The following SGCD variants were observed in gnomAD, a reference collection of about 807,000 sequenced individuals.
The protein encoded by SGCD is sarcoglycan delta, also known as delta-sarcoglycan.
SGCD carries 18 observed loss-of-function variants against 36.6 expected under a neutral mutation model. The observed-to-expected ratio is 0.49, with a 90% confidence interval of 0.34 to 0.73. The LOEUF (loss-of-function observed/expected upper bound fraction) is 0.73, where lower values mean the gene tolerates loss of function less well. Ranked by LOEUF, SGCD falls within the 30% of genes least tolerant of loss-of-function variation. The pLI is 0.01. For missense variants in SGCD, 387 were observed against 346.7 expected (o/e 1.12, Z -0.92); for synonymous variants, 133 against 130.6 (o/e 1.02, Z -0.12).
chr5:156,158,730 C>T (rs1763020731), intron 3 of SGCD, among the ~76,000 whole-genome samples: 2 of 151,442 alleles, frequency 1.3e-5, no homozygotes, highest in Non-Finnish European at 1.5e-5. Context: ...TCTATTTGCT[C>T]AATTGTTTTT....
At chr5:155,871,718 A>AATAAT (rs1755660611) in intron 1 of SGCD, among the ~76,000 whole-genome samples, 1 of 152,164 alleles carries the variant, frequency 6.6e-6, no homozygotes, top group African/African-American at 2.4e-5. Context: ...TGGGTAGGTA[A>AATAAT]ATAAGTTATG....
chr5:156,018,282 G>C (rs1156393550), intron 1 of SGCD, among the ~76,000 whole-genome samples: 1 of 152,004 alleles, frequency 6.6e-6, no homozygotes, highest in Non-Finnish European at 1.5e-5. Flanking sequence ...AGTGTCTTTA[G>C]TACTCCATCA....
intron 3 of SGCD, among the ~76,000 whole-genome samples, chr5:156,239,070 G>A (rs1352406781): frequency 6.6e-6 from 1 of 152,030 alleles, no homozygotes; most frequent in African/African-American, 2.4e-5. Context: ...CTTTGGGTCT[G>A]GGTCCCGTGG....
At chr5:156,516,873 A>T (rs1401374942) in intron 4 of SGCD, among the ~76,000 whole-genome samples, 1 of 152,126 alleles carries the variant, frequency 6.6e-6, no homozygotes, top group Non-Finnish European at 1.5e-5. Context: ...GGCACATGTC[A>T]GTAGTCCCAG....
At chr5:156,249,235 T>C (rs895868245) in intron 3 of SGCD, among the ~76,000 whole-genome samples, 3 of 152,032 alleles carry the variant, frequency 2.0e-5, no homozygotes, top group Non-Finnish European at 4.4e-5. Context: ...GGCAAACTTG[T>C]CATGGTGAGA....
intron 1 of SGCD, among the ~76,000 whole-genome samples, chr5:156,032,706 CAAAAA>C (rs1171072619): frequency 0.019 from 282 of 14,994 alleles, 1 homozygote; most frequent in Non-Finnish European, 0.025. Flanking sequence ...GACTCCGTCT[CAAAAA>C]AAAAAAAAAA....
At chr5:156,484,035 C>T (rs547830492) in intron 3 of SGCD, among the ~76,000 whole-genome samples, 2 of 152,278 alleles carry the variant, frequency 1.3e-5, no homozygotes, top group South Asian at 4.1e-4. Flanking sequence ...AGAAACCGGC[C>T]CTTTCTAATA....
At chr5:156,385,293 T>C (rs182345333) in intron 3 of SGCD, among the ~76,000 whole-genome samples, 45 of 152,358 alleles carry the variant, frequency 3.0e-4, no homozygotes, top group Non-Finnish European at 5.0e-4. Context: ...TAGATTTCTC[T>C]GTAGGCAACA....
intron 3 of SGCD, among the ~76,000 whole-genome samples, chr5:156,314,575 T>C (rs1456892535): frequency 1.3e-5 from 2 of 152,078 alleles, no homozygotes; most frequent in African/African-American, 4.8e-5. Context: ...TGCTAGGCGT[T>C]GGTGAACACA....
chr5:156,744,442 G>A (rs572735387), intron 7 of SGCD, among the ~76,000 whole-genome samples: 1 of 152,238 alleles, frequency 6.6e-6, no homozygotes, highest in Non-Finnish European at 1.5e-5. Context: ...CCAACTCCTG[G>A]GCTAGGTACA....
At chr5:155,856,176 A>G in the SGCD span, among the ~76,000 whole-genome samples, 1 of 152,202 alleles carries the variant, frequency 6.6e-6, no homozygotes, top group Non-Finnish European at 1.5e-5. Context: ...ATACATATAC[A>G]TATATACGTA....
intron 7 of SGCD, among the ~76,000 whole-genome samples, chr5:156,649,369 C>A (rs1763366433): frequency 6.6e-6 from 1 of 152,028 alleles, no homozygotes; most frequent in African/African-American, 2.4e-5. Flanking sequence ...GGGTATATAC[C>A]CAAAGGATTA....
At chr5:156,086,027 G>A (rs1486026674) in intron 1 of SGCD, among the ~76,000 whole-genome samples, 1 of 152,114 alleles carries the variant, frequency 6.6e-6, no homozygotes, top group Non-Finnish European at 1.5e-5. Context: ...CTGTGTTTGG[G>A]TGTATCTTTT....
At chr5:155,785,697 CAT>C in the SGCD span, among the ~76,000 whole-genome samples, 2 of 152,148 alleles carry the variant, frequency 1.3e-5, no homozygotes, top group Non-Finnish European at 2.9e-5. Context: ...CATATGCACA[CAT>C]ATGTGGTAAA....
At chr5:156,105,090 A>G (rs1186754699) in intron 1 of SGCD, among the ~76,000 whole-genome samples, 1 of 152,224 alleles carries the variant, frequency 6.6e-6, no homozygotes, top group Non-Finnish European at 1.5e-5. Context: ...GCAAATGTAT[A>G]CATATGTAAC....
intron 7 of SGCD, among the ~76,000 whole-genome samples, chr5:156,667,490 G>A (rs1289883278): frequency 6.6e-6 from 1 of 152,150 alleles, no homozygotes; most frequent in Non-Finnish European, 1.5e-5. Flanking sequence ...TGCATTTATA[G>A]GATTAATAAT....
intron 1 of SGCD, among the ~76,000 whole-genome samples, chr5:155,934,221 C>T (rs1252576832): frequency 6.6e-6 from 1 of 152,154 alleles, no homozygotes; most frequent in Non-Finnish European, 1.5e-5. Flanking sequence ...ACGAAGTGAG[C>T]AGGTATCCCA....
the SGCD span, among the ~76,000 whole-genome samples, chr5:155,776,947 G>C: frequency 6.6e-6 from 1 of 152,094 alleles, no homozygotes; most frequent in East Asian, 1.9e-4. Flanking sequence ...CTTCATCAAT[G>C]AAACATCAAA....
At chr5:156,738,333 T>G (rs1756483209) in intron 7 of SGCD, among the ~76,000 whole-genome samples, 1 of 152,154 alleles carries the variant, frequency 6.6e-6, no homozygotes. Context: ...TATTGTGATG[T>G]TTGTAGTTTC....
Sources: allele counts gnomAD v4.1 joint callset (sites outside exome capture counted in the v4.1 genomes callset), GRCh38; gene constraint gnomAD v4.1.1; transcripts MANE v1.5; gene names NCBI Gene and HGNC (gene_info 2026-07-23, HGNC 2026-07-21).